Variants in CDON observed in about 807,000 individuals in gnomAD.
The protein encoded by CDON is cell adhesion associated, oncogene regulated.
CDON carries 73 observed loss-of-function variants against 120.9 expected under a neutral mutation model. The ratio of observed to expected loss-of-function variants is 0.60; its 90% CI spans 0.50 to 0.73. The LOEUF (loss-of-function observed/expected upper bound fraction) is 0.73. Among genes scored for constraint, CDON ranks in the 30% least tolerant of loss-of-function variants. The pLI is 0.00. For synonymous variants in CDON, 566 were observed against 573.5 expected (o/e 0.99, Z 0.19); for missense variants, 1,470 against 1,587.3 (o/e 0.93, Z 1.26).
At chr11:125,989,782 T>A (rs1184862662) in intron 14 of CDON, 23 bp from the exon 15 acceptor site, 2 of 1,605,728 alleles carry the variant, frequency 1.2e-6, no homozygotes, top group Non-Finnish European at 1.7e-6. Context: ...ATAAAAGGCT[T>A]TACACATCAT....
chr11:126,059,789 G>A (rs1481412955), intron 1 of CDON, among the ~76,000 whole-genome samples: 6 of 152,126 alleles, frequency 3.9e-5, no homozygotes, highest in African/African-American at 7.2e-5. Flanking sequence ...TTTTAGGCAA[G>A]TATAATTAGC....
chr11:125,961,856 C>G lies in CDON; in HGVS notation c.3499G>C (p.Asp1167His), dbSNP rs777871279. Residue 1167 changes from aspartate to histidine, a missense_variant, in exon 19 of 20, where the codon GAT (aspartate) becomes CAT (histidine). By Grantham distance (81) the Asp-to-His change is moderately conservative. Coordinates refer to ENST00000531738, the MANE Select transcript of CDON (RefSeq NM_001378964.1). ...CTCTCCTCCGGCAACTGGCCACAAT[C>G]AGGGACTGCGGAAGTCAGGCATACA... ...VPVCLTSAVP[D>H]CGQLPEESVK... is the part of the protein sequence containing the mutation. 1.2e-6 allele frequency: 2 copies of G among 1,614,216 alleles called. No individual in the cohort carries two copies. Among genetic ancestry groups the G allele is most frequent in the Admixed American group, 1.7e-5 (1 of 60,016 alleles).
intron 2 of CDON, 129 bp from the exon 3 acceptor site, chr11:126,021,649 T>G: frequency 2.4e-6 from 2 of 823,790 alleles, no homozygotes; most frequent in Non-Finnish European, 3.7e-6. Context: ...ATATATGTTA[T>G]GGTTCTTGAT....
At chr11:126,008,172 C>T (rs1171994916) in intron 8 of CDON, among the ~76,000 whole-genome samples, 1 of 152,210 alleles carries the variant, frequency 6.6e-6, no homozygotes, top group East Asian at 1.9e-4. Flanking sequence ...AATATTTGTA[C>T]ATCCAGGACC....
intron 1 of CDON, among the ~76,000 whole-genome samples, chr11:126,036,720 G>A (rs1204767171): frequency 2.0e-5 from 3 of 152,058 alleles, no homozygotes; most frequent in Non-Finnish European, 2.9e-5. Context: ...ACAGGGTCTC[G>A]CTCTGCTGCC....
intron 4 of CDON, among the ~76,000 whole-genome samples, 167 bp downstream of exon 4, chr11:126,019,452 A>G (rs1249070433): frequency 6.6e-6 from 1 of 152,200 alleles, no homozygotes; most frequent in East Asian, 1.9e-4. Flanking sequence ...GTGAGGCCTC[A>G]GGGTATGGGG....
At chr11:125,994,476 T>C in intron 13 of CDON, 87 bp from the exon 14 acceptor site, 1 of 775,228 alleles carries the variant, frequency 1.3e-6, no homozygotes. Flanking sequence ...CTTGGTCACA[T>C]TTTTCTAGGT....
intron 16 of CDON, among the ~76,000 whole-genome samples, chr11:125,981,963 C>CT (rs1565501813): frequency 5.3e-4 from 18 of 34,154 alleles, no homozygotes; most frequent in East Asian, 3.4e-3. Context: ...AAAAGTGATT[C>CT]TATTTTCTTT....
chr11:125,968,442 C>T (rs911107586), intron 18 of CDON, among the ~76,000 whole-genome samples: 21 of 152,072 alleles, frequency 1.4e-4, no homozygotes, highest in African/African-American at 4.3e-4. Context: ...GAGGAGCGGG[C>T]GAGACAGAGG....
chr11:125,957,854 A>C lies in CDON; in HGVS notation c.*3088T>G, dbSNP rs1945526615. 6.6e-6 allele frequency: 1 copy of C among 152,140 alleles called. No individual in the cohort carries two copies. 9.4% of individuals were successfully genotyped at this position (152,140 alleles called of 1,614,324 possible). Reference sequence around the variant, plus strand: ...CCTGTCACCAGACTGTCAGTGCAAAACTGAAAGAAAAACATTAAAAGGAGA... The same window carrying C: ...CCTGTCACCAGACTGTCAGTGCAAACCTGAAAGAAAAACATTAAAAGGAGA... On this transcript the variant is annotated 3_prime_UTR_variant, in exon 20 of 20. Transcript: ENST00000531738.
At chr11:126,052,210 G>C (rs1468383101) in intron 1 of CDON, among the ~76,000 whole-genome samples, 1 of 152,148 alleles carries the variant, frequency 6.6e-6, no homozygotes, top group African/African-American at 2.4e-5. Flanking sequence ...TCTTTTAAGA[G>C]AGGAACCCAA....
At chr11:126,055,314 C>T (rs1591438866) in intron 1 of CDON, among the ~76,000 whole-genome samples, 4 of 152,088 alleles carry the variant, frequency 2.6e-5, no homozygotes, top group African/African-American at 9.7e-5. Flanking sequence ...AGAAGGCCCA[C>T]TTCTAAGCTA....
chr11:126,030,283 T>C (rs758077254), intron 1 of CDON, among the ~76,000 whole-genome samples: 6 of 152,246 alleles, frequency 3.9e-5, no homozygotes, highest in Non-Finnish European at 7.3e-5. Context: ...CTTTTCAACA[T>C]GCTGCCAGAA....
intron 14 of CDON, among the ~76,000 whole-genome samples, chr11:125,990,225 T>A (rs949452047): frequency 3.9e-5 from 6 of 152,032 alleles, no homozygotes; most frequent in African/African-American, 1.4e-4. Context: ...TTAGCAAAGC[T>A]CCCAATTCCA....
At chr11:125,974,013 A>C (rs1396389447) in intron 18 of CDON, among the ~76,000 whole-genome samples, 1 of 151,500 alleles carries the variant, frequency 6.6e-6, no homozygotes, top group East Asian at 1.9e-4. Context: ...CTTCTGCTTC[A>C]TCCTCCGGTG....
At chr11:125,963,027 T>A (rs1014874684) in intron 18 of CDON, among the ~76,000 whole-genome samples, 1 of 152,076 alleles carries the variant, frequency 6.6e-6, no homozygotes, top group Non-Finnish European at 1.5e-5. Context: ...TTAAACTAGA[T>A]TTTCCTTTTA....
chr11:125,982,431 G>A (rs1197317625), intron 16 of CDON, among the ~76,000 whole-genome samples: 2 of 152,130 alleles, frequency 1.3e-5, no homozygotes, highest in African/African-American at 2.4e-5. Flanking sequence ...TAAATTCTTC[G>A]AAGGTAGGAG....
intron 18 of CDON, among the ~76,000 whole-genome samples, chr11:125,969,952 G>T (rs922748825): frequency 1.3e-5 from 2 of 152,114 alleles, no homozygotes; most frequent in African/African-American, 4.8e-5. Flanking sequence ...GAATGTATTC[G>T]AAGTATTCCA....
At chr11:126,031,110 G>C (rs574092250) in intron 1 of CDON, among the ~76,000 whole-genome samples, 4 of 152,314 alleles carry the variant, frequency 2.6e-5, no homozygotes, top group Non-Finnish European at 5.9e-5. Flanking sequence ...TATTGAAAGA[G>C]TTCAAAGCAG....
Sources: allele counts gnomAD v4.1 joint callset (sites outside exome capture counted in the v4.1 genomes callset), GRCh38; gene constraint gnomAD v4.1.1; transcripts MANE v1.5; gene names NCBI Gene and HGNC (gene_info 2026-07-23, HGNC 2026-07-21).